Variants in SEMA6A observed in about 807,000 individuals in gnomAD.
SEMA6A encodes the protein semaphorin-6A.
SEMA6A carries 25 observed loss-of-function variants against 96.8 expected under a neutral mutation model. That is an observed-to-expected ratio of 0.26 (90% CI 0.19 to 0.36). The LOEUF (loss-of-function observed/expected upper bound fraction) is 0.36, where lower values mean the gene tolerates loss of function less well. SEMA6A is among the 10% of genes least tolerant of loss of function. The pLI, the probability that SEMA6A is intolerant of heterozygous loss-of-function variation, is 1.00. For synonymous variants in SEMA6A, 612 were observed against 518.0 expected (o/e 1.18, Z -2.46); for missense variants, 1,363 against 1,323.1 (o/e 1.03, Z -0.47).
intron 2 of SEMA6A, 68 bp from the exon 3 acceptor site, chr5:116,502,395 G>A: frequency 1.5e-6 from 2 of 1,366,122 alleles, no homozygotes; most frequent in South Asian, 1.2e-5. Context: ...GGGTAGGGAG[G>A]GGAGGGAGAC....
At chr5:116,567,597 T>C (rs959764572) in intron 1 of SEMA6A, among the ~76,000 whole-genome samples, 1 of 152,142 alleles carries the variant, frequency 6.6e-6, no homozygotes, top group Non-Finnish European at 1.5e-5. Context: ...ACTTTGCAAA[T>C]GAAAACTGAA....
At chr5:116,562,773 A>T in intron 1 of SEMA6A, 1 of 732,804 alleles carries the variant, frequency 1.4e-6, no homozygotes. Flanking sequence ...TCTTTGCCAT[A>T]TGCTGCTATG....
intron 7 of SEMA6A, among the ~76,000 whole-genome samples, chr5:116,490,486 C>A (rs187371218): frequency 6.6e-6 from 1 of 152,192 alleles, no homozygotes; most frequent in Non-Finnish European, 1.5e-5. Context: ...GTGAGGACCT[C>A]CAGCAGTAGT....
At chr5:116,511,198 C>T (rs141404841) in intron 1 of SEMA6A, among the ~76,000 whole-genome samples, 4 of 152,252 alleles carry the variant, frequency 2.6e-5, no homozygotes, top group African/African-American at 7.2e-5. Context: ...CTCCTGTATA[C>T]TTAAATCATC....
chr5:116,477,793 A>T, intron 15 of SEMA6A, 53 bp downstream of exon 15: 1 of 1,562,264 alleles, frequency 6.4e-7, no homozygotes, highest in Non-Finnish European at 8.8e-7. Flanking sequence ...TACATCTAGA[A>T]TACACCTTGG....
chr5:116,560,083 C>T (rs1424566800), intron 1 of SEMA6A, among the ~76,000 whole-genome samples: 1 of 152,208 alleles, frequency 6.6e-6, no homozygotes, highest in African/African-American at 2.4e-5. Flanking sequence ...ACATTCCCCA[C>T]CTCTGGGCTT....
At chr5:116,512,305 T>C (rs952596989) in intron 1 of SEMA6A, among the ~76,000 whole-genome samples, 2 of 152,180 alleles carry the variant, frequency 1.3e-5, no homozygotes, top group African/African-American at 4.8e-5. Context: ...AGATATAAGG[T>C]TCGGGCAAAT....
At chr5:116,482,942 T>C (rs533974400) in intron 10 of SEMA6A, among the ~76,000 whole-genome samples, 1 of 152,204 alleles carries the variant, frequency 6.6e-6, no homozygotes, top group Non-Finnish European at 1.5e-5. Context: ...CTGGAGAGCG[T>C]TCTGTGTCAC....
chr5:116,450,434 T>C (rs1342844678), intron 18 of SEMA6A, among the ~76,000 whole-genome samples: 1 of 152,124 alleles, frequency 6.6e-6, no homozygotes, highest in East Asian at 1.9e-4. Flanking sequence ...GTGGAAAGAG[T>C]AAAGCTAGAG....
At position 116,568,837 on chromosome 5, in the gene SEMA6A, CACACACACACAT is replaced by C. The variant is rs1475793339; in HGVS notation, c.-39+5336_-39+5347del. ...GGAAGATTGTACACACACACACACA[CACACACACACAT>C]TCATGCATGAAGTACACACACACAC... On this transcript the variant is annotated intron_variant, in intron 1 of 18. Coordinates refer to ENST00000343348, the MANE Select transcript of SEMA6A (RefSeq NM_020796.5). Among the ~76,000 whole-genome samples the C allele has an allele frequency of 5.9e-5, 9 of 151,992 alleles. No homozygotes were observed. The East Asian group carries it at 1.4e-3, about 23-fold the overall frequency.
chr5:116,519,463 G>A (rs1580466634), intron 1 of SEMA6A, among the ~76,000 whole-genome samples: 1 of 152,148 alleles, frequency 6.6e-6, no homozygotes, highest in Non-Finnish European at 1.5e-5. Context: ...AACAGCTTTT[G>A]TTAGTAATTT....
intron 15 of SEMA6A, among the ~76,000 whole-genome samples, chr5:116,477,256 C>T (rs1314586938): frequency 6.6e-6 from 1 of 152,192 alleles, no homozygotes; most frequent in Non-Finnish European, 1.5e-5. Flanking sequence ...ATTTTAAACA[C>T]CAAAATCATA....
chr5:116,526,305 T>C (rs1209461550), intron 1 of SEMA6A, among the ~76,000 whole-genome samples: 4 of 152,218 alleles, frequency 2.6e-5, no homozygotes, highest in Non-Finnish European at 5.9e-5. Flanking sequence ...CATCACCTTC[T>C]CTGTGAAGTC....
At position 116,488,916 on chromosome 5, in the gene SEMA6A, G is replaced by A. The variant is rs745334541; in HGVS notation, c.627C>T (p.Thr209=). 28 of 1,585,580 alleles carry A rather than the reference G, an allele frequency of 1.8e-5. No homozygotes were observed. The highest frequency in any genetic ancestry group is 3.5e-5 in the South Asian group (3 of 86,560). The change falls in exon 8 of 19, where the codon ACC becomes ACT. Residue 209 remains threonine, a synonymous_variant. Transcript: ENST00000343348. The part of the protein sequence containing the change: ...RSLGESPTLR[T]VKHDSKWLKE... The stretch of plus-strand genomic sequence containing the variant: ...TCAACCATTTTGAATCGTGCTTGAC[G>A]GTCCGCAGGGTAGGGCTTTCTCCAA...
intron 10 of SEMA6A, among the ~76,000 whole-genome samples, chr5:116,485,310 A>G (rs1756997239): frequency 6.6e-6 from 1 of 152,236 alleles, no homozygotes; most frequent in South Asian, 2.1e-4. Context: ...AACAGAAACT[A>G]GAAAACTAGA....
chr5:116,556,218 C>A (rs1561534967), intron 1 of SEMA6A, among the ~76,000 whole-genome samples: 1 of 152,212 alleles, frequency 6.6e-6, no homozygotes, highest in Non-Finnish European at 1.5e-5. Context: ...TAGGCATGTA[C>A]TATATTTCCT....
chr5:116,567,600 A>C (rs1435896323), intron 1 of SEMA6A, among the ~76,000 whole-genome samples: 2 of 152,228 alleles, frequency 1.3e-5, no homozygotes, highest in Non-Finnish European at 2.9e-5. Flanking sequence ...TTGCAAATGA[A>C]AACTGAAGGA....
chr5:116,547,348 C>T (rs1760227242), intron 1 of SEMA6A, among the ~76,000 whole-genome samples: 1 of 152,052 alleles, frequency 6.6e-6, no homozygotes, highest in African/African-American at 2.4e-5. Context: ...TGCACTAAAC[C>T]CTCTGAATGT....
intron 1 of SEMA6A, among the ~76,000 whole-genome samples, chr5:116,569,072 C>T (rs1225321875): frequency 6.6e-6 from 1 of 152,140 alleles, no homozygotes; most frequent in Non-Finnish European, 1.5e-5. Context: ...AAATGTCTAT[C>T]CTTATGGCAT....
Sources: gnomAD v4.1 joint callset for allele counts (sites outside exome capture counted in the v4.1 genomes callset) on GRCh38, gnomAD v4.1.1 for gene constraint, MANE v1.5 for transcripts, NCBI Gene and HGNC (gene_info 2026-07-23, HGNC 2026-07-21) for gene names.